The following HHAT variants were observed in gnomAD, a reference collection of about 807,000 sequenced individuals.
HHAT encodes the protein protein-cysteine N-palmitoyltransferase HHAT.
In HHAT, 47 loss-of-function variants were observed where a neutral mutation model predicts 70.8. That is an observed-to-expected ratio of 0.66 (90% CI 0.53 to 0.85). The LOEUF (loss-of-function observed/expected upper bound fraction) is 0.85. HHAT is among the 40% of genes least tolerant of loss of function. HHAT has a pLI of 0.00. For synonymous variants in HHAT, 228 were observed against 247.6 expected (o/e 0.92, Z 0.74); for missense variants, 609 against 604.8 (o/e 1.01, Z -0.07).
chr1:210,568,423 T>C (rs1655295752), intron 9 of HHAT, among the ~76,000 whole-genome samples: 1 of 152,022 alleles, frequency 6.6e-6, no homozygotes, highest in Non-Finnish European at 1.5e-5. Context: ...GGAGGGAGGG[T>C]CGTGGGAGCC....
At chr1:210,614,632 A>G (rs188261159) in intron 10 of HHAT, among the ~76,000 whole-genome samples, 143 of 152,028 alleles carry the variant, frequency 9.4e-4, no homozygotes, top group Middle Eastern at 3.4e-3. Context: ...TCATTGTTCA[A>G]TTCCCACCTA....
At chr1:210,442,445 G>C (rs2093540139) in intron 7 of HHAT, among the ~76,000 whole-genome samples, 1 of 146,910 alleles carries the variant, frequency 6.8e-6, no homozygotes, top group Non-Finnish European at 1.5e-5. Context: ...CACAATGGTT[G>C]AACTAGTTTA....
At chr1:210,423,453 G>A (rs2092964618) in intron 7 of HHAT, among the ~76,000 whole-genome samples, 1 of 152,118 alleles carries the variant, frequency 6.6e-6, no homozygotes, top group Non-Finnish European at 1.5e-5. Context: ...GTATATTCTG[G>A]ATATTAATCA....
intron 11 of HHAT, among the ~76,000 whole-genome samples, chr1:210,673,595 T>C (rs1680545419): frequency 6.6e-6 from 1 of 151,142 alleles, no homozygotes; most frequent in Non-Finnish European, 1.5e-5. Flanking sequence ...CTTCTTTTTT[T>C]TTTTTTTTTA....
At chr1:210,646,950 C>T (rs971346992) in intron 11 of HHAT, among the ~76,000 whole-genome samples, 3 of 152,160 alleles carry the variant, frequency 2.0e-5, no homozygotes, top group African/African-American at 7.2e-5. Flanking sequence ...ATTATTCACT[C>T]AAATCTTTAA....
chr1:210,668,973 C>G (rs191108408), intron 11 of HHAT, among the ~76,000 whole-genome samples: 313 of 152,270 alleles, frequency 2.1e-3, no homozygotes, highest in Non-Finnish European at 3.6e-3. Flanking sequence ...AGGGGTTTCA[C>G]TATGTTGACC....
intron 9 of HHAT, among the ~76,000 whole-genome samples, chr1:210,578,938 A>G (rs1658544295): frequency 6.6e-6 from 1 of 152,252 alleles, no homozygotes; most frequent in Non-Finnish European, 1.5e-5. Context: ...TTGGATAAAG[A>G]AAATGTGGTA....
chr1:210,647,697 G>T (rs148309242), intron 11 of HHAT, among the ~76,000 whole-genome samples: 13 of 152,216 alleles, frequency 8.5e-5, no homozygotes, highest in African/African-American at 2.9e-4. Flanking sequence ...AAAAAGCCGA[G>T]GGTAAATGTG....
At chr1:210,526,176 C>T (rs1043852984) in intron 9 of HHAT, among the ~76,000 whole-genome samples, 4 of 152,042 alleles carry the variant, frequency 2.6e-5, no homozygotes, top group Non-Finnish European at 2.9e-5. Flanking sequence ...GAGTCCTACG[C>T]GCAGCACTGG....
chr1:210,604,988 A>G (rs1665082978), intron 10 of HHAT, among the ~76,000 whole-genome samples: 1 of 150,142 alleles, frequency 6.7e-6, no homozygotes, highest in Admixed American at 6.7e-5. Context: ...GCAAATAGCT[A>G]TTGTGCTCCA....
At chr1:210,664,820 CTAGGG>C (rs1678545482) in intron 11 of HHAT, among the ~76,000 whole-genome samples, 1 of 152,294 alleles carries the variant, frequency 6.6e-6, no homozygotes, top group African/African-American at 2.4e-5. Context: ...TTTACTCACT[CTAGGG>C]TAGCATATCA....
chr1:210,552,175 C>T (rs975381323), intron 9 of HHAT, among the ~76,000 whole-genome samples: 11 of 152,120 alleles, frequency 7.2e-5, no homozygotes, highest in South Asian at 4.1e-4. Context: ...GAGGATTATA[C>T]GCAGGGAAGC....
chr1:210,401,478 A>G (rs1482881721), intron 5 of HHAT, among the ~76,000 whole-genome samples: 1 of 152,164 alleles, frequency 6.6e-6, no homozygotes, highest in Non-Finnish European at 1.5e-5. Context: ...GGTAGTGAAA[A>G]CAAAGTGTTT....
intron 7 of HHAT, among the ~76,000 whole-genome samples, chr1:210,443,086 A>G (rs934117593): frequency 1.3e-5 from 2 of 152,184 alleles, no homozygotes; most frequent in Admixed American, 6.5e-5. Flanking sequence ...TCCCAGCACC[A>G]TTTATTAAAC....
At chr1:210,329,888 A>C (rs1422571510) in intron 1 of HHAT, among the ~76,000 whole-genome samples, 2 of 152,204 alleles carry the variant, frequency 1.3e-5, no homozygotes, top group African/African-American at 4.8e-5. Context: ...CTGGGATTAC[A>C]GGCATGCGCC....
chr1:210,651,196 C>T (rs1273210374), intron 11 of HHAT, among the ~76,000 whole-genome samples: 1 of 152,220 alleles, frequency 6.6e-6, no homozygotes. Context: ...CTACTCATCT[C>T]TCCAGACTCA....
At chr1:210,544,718 T>A (rs776309816) in intron 9 of HHAT, among the ~76,000 whole-genome samples, 1 of 152,146 alleles carries the variant, frequency 6.6e-6, no homozygotes, top group East Asian at 1.9e-4. Context: ...CTAATCTAGT[T>A]CATACATGGG....
chr1:210,512,105 C>T (rs1448318369), intron 8 of HHAT, among the ~76,000 whole-genome samples: 4 of 152,176 alleles, frequency 2.6e-5, no homozygotes, highest in Non-Finnish European at 5.9e-5. Flanking sequence ...CTTAAAGGGT[C>T]TGCCATAGCC....
intron 7 of HHAT, among the ~76,000 whole-genome samples, chr1:210,420,064 C>T (rs1452855089): frequency 6.6e-6 from 1 of 152,210 alleles, no homozygotes; most frequent in Non-Finnish European, 1.5e-5. Flanking sequence ...TAAGAACTAA[C>T]CAGAATCGTA....
Sources: gnomAD v4.1 joint callset for allele counts (sites outside exome capture counted in the v4.1 genomes callset) on GRCh38, gnomAD v4.1.1 for gene constraint, MANE v1.5 for transcripts, NCBI Gene and HGNC (gene_info 2026-07-23, HGNC 2026-07-21) for gene names.